Variants in ATP10A observed in about 807,000 individuals in gnomAD.
ATP10A encodes the protein ATPase phospholipid transporting 10A (putative).
Under a neutral mutation model 147.8 loss-of-function variants are expected in ATP10A, and 111 were observed. The observed-to-expected ratio is 0.75, with a 90% CI of 0.64 to 0.88. The LOEUF is 0.88. ATP10A is among the 40% of genes least tolerant of loss of function. ATP10A has a pLI of 0.00. For synonymous variants in ATP10A, 875 were observed against 841.6 expected (o/e 1.04, Z -0.69); for missense variants, 1,927 against 1,959.0 (o/e 0.98, Z 0.31).
At chr15:25,817,979 T>A (rs1416959748) in intron 1 of ATP10A, among the ~76,000 whole-genome samples, 1 of 150,682 alleles carries the variant, frequency 6.6e-6, no homozygotes, top group Non-Finnish European at 1.5e-5. Context: ...TCTAGTTAAT[T>A]TTTGGCTGGT....
At chr15:25,816,345 T>TA (rs1176970528) in intron 1 of ATP10A, among the ~76,000 whole-genome samples, 1 of 152,032 alleles carries the variant, frequency 6.6e-6, no homozygotes, top group Non-Finnish European at 1.5e-5. Context: ...ATTACAGATG[T>TA]AAGCCACCAC....
intron 1 of ATP10A, among the ~76,000 whole-genome samples, chr15:25,855,663 C>T (rs1893486321): frequency 6.6e-6 from 1 of 151,918 alleles, no homozygotes; most frequent in Non-Finnish European, 1.5e-5. Flanking sequence ...TCCATTTTTG[C>T]CATTTCTATT....
chr15:25,724,739 G>A (rs1596762659), intron 5 of ATP10A, among the ~76,000 whole-genome samples: 1 of 152,178 alleles, frequency 6.6e-6, no homozygotes, highest in African/African-American at 2.4e-5. Context: ...TTCTTCCCCT[G>A]GAATTACCAC....
downstream of ATP10A, among the ~76,000 whole-genome samples, chr15:25,676,675 TC>T (rs1899142648): frequency 6.6e-6 from 1 of 152,192 alleles, no homozygotes; most frequent in African/African-American, 2.4e-5. Flanking sequence ...GGCCTTTTTA[TC>T]ATTTTCAGGT....
intron 1 of ATP10A, among the ~76,000 whole-genome samples, chr15:25,820,020 C>G (rs1430039163): frequency 6.6e-6 from 1 of 151,984 alleles, no homozygotes; most frequent in African/African-American, 2.4e-5. Flanking sequence ...CACCCCCAGG[C>G]AAAATACGCT....
chr15:25,696,816 C>T (rs780207831), intron 13 of ATP10A, among the ~76,000 whole-genome samples: 4 of 152,150 alleles, frequency 2.6e-5, no homozygotes, highest in Non-Finnish European at 4.4e-5. Context: ...TATTCTTTTT[C>T]GTCTATTATT....
downstream of ATP10A, among the ~76,000 whole-genome samples, chr15:25,672,659 T>C (rs1596663479): frequency 6.6e-6 from 1 of 152,210 alleles, no homozygotes; most frequent in African/African-American, 2.4e-5. Context: ...CATTTCTTCA[T>C]TGTTTAAATG....
intron 13 of ATP10A, among the ~76,000 whole-genome samples, chr15:25,696,743 G>T (rs1872381): frequency 0.1 from 15,495 of 152,292 alleles, 900 homozygotes; most frequent in South Asian, 0.24. Context: ...TCTAGCTCTG[G>T]CTTGAGGAGT....
At chr15:25,701,786 C>T (rs915286300) in intron 13 of ATP10A, 130 bp downstream of exon 13, 10 of 938,052 alleles carry the variant, frequency 1.1e-5, no homozygotes, top group Non-Finnish European at 1.4e-5. Flanking sequence ...CATGCACATC[C>T]TAAACCCGAA....
chr15:25,718,627 A>G (rs1902002476), intron 7 of ATP10A, among the ~76,000 whole-genome samples: 2 of 152,168 alleles, frequency 1.3e-5, no homozygotes, highest in Admixed American at 1.3e-4. Flanking sequence ...TTCATCTCAG[A>G]GAACGTAAGG....
chr15:25,721,950 C>T lies in ATP10A; in HGVS notation c.1111-41G>A, dbSNP rs547858196. On this transcript the variant is annotated intron_variant, in intron 6 of 20. Transcript: ENST00000555815. ...CACACAGGATGAATGACCGTGAGGA[C>T]CAGGGAGCTGGGGAATTACTCAAAT... 2.5e-6 allele frequency: 4 copies of T among 1,583,036 alleles called. No individual in the cohort carries two copies. In the East Asian group the frequency reaches 6.7e-5, roughly 27 times the overall value.
chr15:25,716,647 G>A, intron 9 of ATP10A, 83 bp downstream of exon 9: 1 of 1,344,078 alleles, frequency 7.4e-7, no homozygotes, highest in Non-Finnish European at 1.0e-6. Flanking sequence ...GAAAGGGAAG[G>A]GCGCCTGCCC....
intron 2 of ATP10A, among the ~76,000 whole-genome samples, chr15:25,766,744 G>T (rs890619193): frequency 2.0e-5 from 3 of 151,854 alleles, no homozygotes; most frequent in African/African-American, 7.3e-5. Context: ...TGTCTGTGCC[G>T]CCTGCAAGCG....
intron 16 of ATP10A, 82 bp from the exon 17 acceptor site, chr15:25,683,568 T>C (rs1899546973): frequency 2.3e-6 from 3 of 1,331,134 alleles, no homozygotes; most frequent in Non-Finnish European, 3.1e-6. Context: ...CTGACAGGCC[T>C]GCAGAGTTTC....
intron 9 of ATP10A, among the ~76,000 whole-genome samples, chr15:25,716,490 T>G (rs1055645508): frequency 4.6e-5 from 7 of 152,178 alleles, no homozygotes; most frequent in African/African-American, 1.7e-4. Context: ...TCTGGTGGGC[T>G]GCCCCCTCCC....
At chr15:25,794,107 CCT>C (rs1174252387) in intron 1 of ATP10A, among the ~76,000 whole-genome samples, 1 of 152,144 alleles carries the variant, frequency 6.6e-6, no homozygotes, top group Non-Finnish European at 1.5e-5. Flanking sequence ...TTATAAGGTC[CCT>C]CTCTCTCATT....
At chr15:25,707,397 A>G (rs1445817758) in intron 12 of ATP10A, among the ~76,000 whole-genome samples, 1 of 152,220 alleles carries the variant, frequency 6.6e-6, no homozygotes, top group Non-Finnish European at 1.5e-5. Context: ...GTATACAATG[A>G]CTTGGCTATT....
intron 1 of ATP10A, among the ~76,000 whole-genome samples, chr15:25,795,817 G>A (rs1359649456): frequency 6.6e-6 from 1 of 152,184 alleles, no homozygotes; most frequent in African/African-American, 2.4e-5. Flanking sequence ...GAGGTGTCTG[G>A]GTCGTGGGGG....
chr15:25,855,055 G>T (rs777904421), intron 1 of ATP10A, among the ~76,000 whole-genome samples: 4 of 127,038 alleles, frequency 3.1e-5, no homozygotes, highest in African/African-American at 1.1e-4. Flanking sequence ...GTGAAACTCC[G>T]TCTCACAAAA....
Sources: gnomAD v4.1 joint callset for allele counts (sites outside exome capture counted in the v4.1 genomes callset) on GRCh38, gnomAD v4.1.1 for gene constraint, MANE v1.5 for transcripts, NCBI Gene and HGNC (gene_info 2026-07-23, HGNC 2026-07-21) for gene names.